DLGAP5: variants seen among roughly 807,000 people sequenced by gnomAD.
DLGAP5 encodes the protein DLG associated protein 5.
Under a neutral mutation model 99.6 loss-of-function variants are expected in DLGAP5, and 90 were observed. The observed-to-expected ratio is 0.90, with a 90% CI of 0.76 to 1.08. The LOEUF (loss-of-function observed/expected upper bound fraction) is 1.08, where lower values mean the gene tolerates loss of function less well. DLGAP5 is among the 50% of genes least tolerant of loss of function. The pLI is 0.00. For synonymous variants in DLGAP5, 311 were observed against 321.3 expected (o/e 0.97, Z 0.34); for missense variants, 1,036 against 983.5 (o/e 1.05, Z -0.71).
intron 9 of DLGAP5, 137 bp from the exon 10 acceptor site, chr14:55,175,609 T>C (rs1403108694): frequency 1.5e-6 from 1 of 663,474 alleles, no homozygotes; most frequent in African/African-American, 1.9e-5. Context: ...ACTTCACATT[T>C]CCTCTAAAGT....
intron 5 of DLGAP5, 23 bp from the exon 6 acceptor site, chr14:55,180,801 C>T (rs753612874): frequency 6.1e-5 from 99 of 1,613,728 alleles, no homozygotes; most frequent in South Asian, 1.4e-4. Context: ...AAAATAACTA[C>T]ATCAAATGTC....
chr14:55,152,463 C>A, intron 16 of DLGAP5, 127 bp downstream of exon 16: 5 of 638,916 alleles, frequency 7.8e-6, no homozygotes, highest in Non-Finnish European at 1.2e-5. Flanking sequence ...GAAACAAGAA[C>A]TACAATTCTA....
At chr14:55,148,524 CA>C in intron 18 of DLGAP5, 51 bp from the exon 19 acceptor site, 1 of 1,612,640 alleles carries the variant, frequency 6.2e-7, no homozygotes. Flanking sequence ...AGAGTTTCAC[CA>C]ATTAATTCTT....
At chr14:55,187,753 C>A (rs1197140095) in intron 2 of DLGAP5, among the ~76,000 whole-genome samples, 1 of 152,136 alleles carries the variant, frequency 6.6e-6, no homozygotes, top group East Asian at 1.9e-4. Flanking sequence ...CCTGCCTCAG[C>A]CTCTGGAGTA....
At chr14:55,179,894 T>C (rs188202121) in intron 6 of DLGAP5, among the ~76,000 whole-genome samples, 195 bp from the exon 7 acceptor site, 2 of 152,306 alleles carry the variant, frequency 1.3e-5, no homozygotes, top group East Asian at 1.9e-4. Context: ...CAGAGTGTTT[T>C]ACCCTTTTCA....
In DLGAP5 at chr14:55,151,941, C is replaced by T. The variant is rs1882034570; in HGVS notation, c.2122G>A (p.Val708Ile). ...ACCTTCAAGTCTGTCTTATTTACAACCTGGAAGTAAAAATGGCATTATATT... is the reference window on the plus strand; with the variant it reads ...ACCTTCAAGTCTGTCTTATTTACAATCTGGAAGTAAAAATGGCATTATATT... Reference protein sequence around the residue: ...GLPDLIEENHVVNKTDLKVDC... With the variant: ...GLPDLIEENHIVNKTDLKVDC... Residue 708 changes from valine (V) to isoleucine (I), a missense_variant and splice_region_variant, in exon 17 of 19, where the codon GTT becomes ATT. Transcript: ENST00000247191. 1.2e-6 allele frequency: 2 copies of T among 1,604,622 alleles called. No homozygotes were observed. Among genetic ancestry groups the T allele is most frequent in the Non-Finnish European group, 1.7e-6 (2 of 1,176,596 alleles).
chr14:55,169,171 G>A (rs1179056595), intron 12 of DLGAP5, among the ~76,000 whole-genome samples: 6 of 105,794 alleles, frequency 5.7e-5, no homozygotes, highest in South Asian at 2.9e-4. Context: ...GTGAGACTCC[G>A]TCTCAAAAAA....
At chr14:55,160,157 T>C (rs1335152699) in intron 13 of DLGAP5, among the ~76,000 whole-genome samples, 1 of 151,658 alleles carries the variant, frequency 6.6e-6, no homozygotes, top group African/African-American at 2.4e-5. Flanking sequence ...GAGCCAAGAT[T>C]GTGCCACTGC....
At chr14:55,184,153 A>C (rs1402896533) in intron 2 of DLGAP5, among the ~76,000 whole-genome samples, 1 of 150,676 alleles carries the variant, frequency 6.6e-6, no homozygotes, top group Non-Finnish European at 1.5e-5. Flanking sequence ...ACTCCGTCTC[A>C]AGAAAAAAAA....
At chr14:55,188,902 C>G in intron 2 of DLGAP5, 40 bp downstream of exon 2, 1 of 1,522,148 alleles carries the variant, frequency 6.6e-7, no homozygotes, top group Non-Finnish European at 9.0e-7. Context: ...CTATTATTCA[C>G]TCTTCAAAGT....
At chr14:55,170,132 C>T (rs1882803188) in intron 11 of DLGAP5, among the ~76,000 whole-genome samples, 1 of 150,312 alleles carries the variant, frequency 6.7e-6, no homozygotes, top group South Asian at 2.1e-4. Flanking sequence ...CAACACTCAT[C>T]TTAAAATAAT....
In DLGAP5 at chr14:55,180,737, A is replaced by T; in HGVS notation, c.622T>A (p.Ser208Thr). 1.2e-6 allele frequency: 2 copies of T among 1,614,130 alleles called. No homozygotes were observed. The highest frequency in any genetic ancestry group is 1.7e-6 in the Non-Finnish European group (2 of 1,180,018). ...ACCTGCTTTGCTGCTTGAGTAGCTG[A>T]TCGAGTCATTCTCAACGACGTGGGC... ...VMPTSLRMTRSATQAAKQVPR... is the reference protein window; with the variant it reads ...VMPTSLRMTRTATQAAKQVPR... The change falls in exon 6 of 19, where the codon TCA becomes ACA. Residue 208 changes from serine (S) to threonine (T), a missense_variant. Ser to Thr is a moderately conservative substitution (Grantham distance 58). Transcript: ENST00000247191.
In DLGAP5 at chr14:55,148,632, T is replaced by A. The variant is rs1261629546; in HGVS notation, c.2419-159A>T. 7.3e-6 allele frequency: 11 copies of A among 1,497,380 alleles called. No homozygotes were observed. The South Asian group carries it at 1.3e-4, about 18-fold the overall frequency. The allele number at this position is 1,497,380 out of a possible 1,614,324, so 92.8% of individuals were successfully genotyped here. A position where few individuals can be genotyped will look rare whatever the true frequency, so the allele number is the denominator to read the frequency against. ...TACTCGGGAGGCTGAGGTGGTAGGA[T>A]CACTTGAACCCAGGACTTCAAGACC... On this transcript the variant is annotated intron_variant, in intron 18 of 18. Coordinates refer to ENST00000247191, the MANE Select transcript of DLGAP5 (RefSeq NM_014750.5).
At chr14:55,158,418 T>C (rs1470097102) in intron 14 of DLGAP5, 104 bp downstream of exon 14, 45 of 936,096 alleles carry the variant, frequency 4.8e-5, no homozygotes, top group Non-Finnish European at 6.0e-5. Flanking sequence ...TCTCTTCATG[T>C]AAAAAACTAT....
chr14:55,179,060 A>G (rs1330214889), intron 7 of DLGAP5, among the ~76,000 whole-genome samples: 2 of 152,160 alleles, frequency 1.3e-5, no homozygotes, highest in African/African-American at 2.4e-5. Flanking sequence ...AAATAAAATA[A>G]AAGAAAATAA....
At chr14:55,185,095 C>A (rs757409554) in intron 2 of DLGAP5, among the ~76,000 whole-genome samples, 1 of 152,144 alleles carries the variant, frequency 6.6e-6, no homozygotes, top group Non-Finnish European at 1.5e-5. Flanking sequence ...TACAAGCATG[C>A]GGTAATTTCT....
intron 7 of DLGAP5, 42 bp from the exon 8 acceptor site, chr14:55,177,378 C>A: frequency 6.6e-7 from 1 of 1,523,490 alleles, no homozygotes; most frequent in Non-Finnish European, 8.8e-7. Flanking sequence ...TTTCTCTCTT[C>A]TGAGGATATA....
At chr14:55,179,433 C>T (rs930457435) in intron 7 of DLGAP5, among the ~76,000 whole-genome samples, 196 bp downstream of exon 7, 9 of 152,124 alleles carry the variant, frequency 5.9e-5, no homozygotes, top group African/African-American at 1.9e-4. Context: ...GCTTTCTCTA[C>T]CTATAAAGCT....
At position 55,148,135 on chromosome 14, in the gene DLGAP5, C is replaced by A; in HGVS notation, c.*216G>T. On this transcript the variant is annotated 3_prime_UTR_variant, in exon 19 of 19. Coordinates refer to ENST00000247191, the MANE Select transcript of DLGAP5 (RefSeq NM_014750.5). ...TTCCTTTTAAACAAGAGAGGCAAGG[C>A]ACAGTACATTTTTTATTCTGTGTTG... is the stretch of plus-strand genomic sequence containing the variant. 1 of 520,094 alleles carries A rather than the reference C, an allele frequency of 1.9e-6. No individual in the cohort carries two copies. Among genetic ancestry groups the A allele is most frequent in the Middle Eastern group, 5.3e-4 (1 of 1,882 alleles). The allele number at this position is 520,094 out of a possible 1,614,324, so 32.2% of individuals were successfully genotyped here.
Sources: allele counts gnomAD v4.1 joint callset (sites outside exome capture counted in the v4.1 genomes callset), GRCh38; gene constraint gnomAD v4.1.1; transcripts MANE v1.5; gene names NCBI Gene and HGNC (gene_info 2026-07-23, HGNC 2026-07-21).